ELMO1: variants seen among roughly 807,000 people sequenced by gnomAD.
The protein encoded by ELMO1 is engulfment and cell motility 1.
In ELMO1, 26 loss-of-function variants were observed where a neutral mutation model predicts 98.9. That is an observed-to-expected ratio of 0.26 (90% CI 0.19 to 0.36). ELMO1 has a LOEUF of 0.36. ELMO1 is among the 10% of genes least tolerant of loss of function. ELMO1 has a pLI of 1.00. For missense variants in ELMO1, 627 were observed against 935.2 expected (o/e 0.67, Z 4.30); for synonymous variants, 346 against 346.0 (o/e 1.00, Z 0.00).
At chr7:37,097,007 C>A (rs1200885722) in intron 14 of ELMO1, among the ~76,000 whole-genome samples, 1 of 152,164 alleles carries the variant, frequency 6.6e-6, no homozygotes, top group Admixed American at 6.5e-5. Flanking sequence ...TGGAATAGTA[C>A]AATAAAGACT....
intron 1 of ELMO1, among the ~76,000 whole-genome samples, chr7:37,394,122 G>C (rs182212059): frequency 0.012 from 1,767 of 152,136 alleles, 34 homozygotes; most frequent in African/African-American, 0.04. Context: ...TCCCTGTTAG[G>C]CCCAGGGACA....
intron 13 of ELMO1, among the ~76,000 whole-genome samples, chr7:37,160,163 A>T (rs1160423815): frequency 6.6e-6 from 1 of 152,246 alleles, no homozygotes; most frequent in East Asian, 1.9e-4. Flanking sequence ...CACAGTGATT[A>T]TGCTATCTTC....
chr7:37,202,804 C>A (rs1008252591), intron 13 of ELMO1, among the ~76,000 whole-genome samples: 3 of 152,094 alleles, frequency 2.0e-5, no homozygotes, highest in African/African-American at 7.2e-5. Context: ...AAAAATGAGC[C>A]ACCTCTTTTT....
At chr7:37,061,623 C>T (rs377481303) in intron 15 of ELMO1, among the ~76,000 whole-genome samples, 11 of 152,196 alleles carry the variant, frequency 7.2e-5, no homozygotes, top group African/African-American at 2.2e-4. Flanking sequence ...GGAGGGGACA[C>T]GTAAGCAGCC....
At chr7:37,007,819 T>C (rs1359798659) in intron 16 of ELMO1, among the ~76,000 whole-genome samples, 1 of 152,188 alleles carries the variant, frequency 6.6e-6, no homozygotes, top group Non-Finnish European at 1.5e-5. Context: ...TTTCTCAGGA[T>C]GTTTCCTTCT....
chr7:37,102,496 A>C (rs1291025403), intron 14 of ELMO1, among the ~76,000 whole-genome samples: 2 of 152,264 alleles, frequency 1.3e-5, no homozygotes, highest in Non-Finnish European at 2.9e-5. Context: ...CACCAGATCT[A>C]CCTAGAAAGG....
At chr7:37,193,615 G>A (rs562860198) in intron 13 of ELMO1, among the ~76,000 whole-genome samples, 7 of 152,246 alleles carry the variant, frequency 4.6e-5, no homozygotes, top group African/African-American at 1.7e-4. Context: ...CTCATACTCA[G>A]CACTAAAAAT....
intron 2 of ELMO1, among the ~76,000 whole-genome samples, chr7:37,323,720 G>C (rs1455335392): frequency 1.3e-5 from 2 of 152,068 alleles, no homozygotes; most frequent in African/African-American, 4.8e-5. Context: ...GTGAGTATTG[G>C]TCTTTTGCTT....
At chr7:37,163,784 G>A (rs1360759263) in intron 13 of ELMO1, among the ~76,000 whole-genome samples, 10 of 152,146 alleles carry the variant, frequency 6.6e-5, no homozygotes, top group Non-Finnish European at 1.5e-4. Flanking sequence ...TGTGAATAGT[G>A]CCGCAATAAA....
At chr7:37,214,270 G>A (rs764037853) in intron 11 of ELMO1, among the ~76,000 whole-genome samples, 4 of 152,164 alleles carry the variant, frequency 2.6e-5, no homozygotes, top group Non-Finnish European at 5.9e-5. Flanking sequence ...GATCAATGTG[G>A]TGGAACAACC....
At chr7:37,440,162 G>C (rs914153582) in intron 1 of ELMO1, among the ~76,000 whole-genome samples, 1 of 152,050 alleles carries the variant, frequency 6.6e-6, no homozygotes, top group Non-Finnish European at 1.5e-5. Context: ...AAAATCTAGG[G>C]GCCAGGCACA....
chr7:36,947,079 T>C (rs1439517147), intron 16 of ELMO1, among the ~76,000 whole-genome samples: 1 of 152,206 alleles, frequency 6.6e-6, no homozygotes. Context: ...ACCCAAATAG[T>C]GAGCACAGTA....
intron 16 of ELMO1, among the ~76,000 whole-genome samples, chr7:36,977,099 C>T (rs186467861): frequency 1.9e-3 from 291 of 152,274 alleles, no homozygotes; most frequent in African/African-American, 6.4e-3. Flanking sequence ...GCTTTTAGCA[C>T]GCTACTGAAA....
chr7:37,181,429 C>T (rs1790855214), intron 13 of ELMO1, among the ~76,000 whole-genome samples: 1 of 152,100 alleles, frequency 6.6e-6, no homozygotes. Context: ...CGGGCATTTC[C>T]TGAGGCAGCT....
intron 14 of ELMO1, among the ~76,000 whole-genome samples, chr7:37,121,179 A>G (rs1244101458): frequency 1.3e-5 from 2 of 152,194 alleles, no homozygotes; most frequent in African/African-American, 4.8e-5. Flanking sequence ...TGGGGAAAAA[A>G]CAGAGCAGAA....
intron 1 of ELMO1, among the ~76,000 whole-genome samples, chr7:37,438,482 C>T (rs1332557635): frequency 1.3e-5 from 2 of 151,310 alleles, no homozygotes; most frequent in East Asian, 1.9e-4. Context: ...AGCCTGTAGT[C>T]CCAGCTACTT....
Position 36,895,060 on chromosome 7 carries a change from T to C in ELMO1, c.1438-43A>G, listed in dbSNP as rs376740137. On this transcript the variant is annotated intron_variant, in intron 16 of 21. Coordinates refer to ENST00000310758, the MANE Select transcript of ELMO1 (RefSeq NM_014800.11). Reference sequence around the variant, plus strand: ...ACCATCATTTTCCTGGGGGCTGACCTTTCCCATTCAGAAAAGTCTTTCCGA... The same window carrying C: ...ACCATCATTTTCCTGGGGGCTGACCCTTCCCATTCAGAAAAGTCTTTCCGA... 2.2e-4 allele frequency: 359 copies of C among 1,602,968 alleles called. No individual in the cohort carries two copies. In the African/African-American group the frequency reaches 4.0e-3, roughly 18 times the overall value.
intron 1 of ELMO1, among the ~76,000 whole-genome samples, chr7:37,404,623 C>A (rs1420289799): frequency 6.6e-6 from 1 of 152,202 alleles, no homozygotes; most frequent in Non-Finnish European, 1.5e-5. Flanking sequence ...AAACACACCC[C>A]ATCTGCGAGG....
chr7:37,002,250 T>C (rs527431307), intron 16 of ELMO1: 2 of 152,384 alleles, frequency 1.3e-5, no homozygotes, highest in East Asian at 1.9e-4. Flanking sequence ...ACAGTCAAGC[T>C]TCTGCTCGTT....
Sources: gnomAD v4.1 joint callset for allele counts (sites outside exome capture counted in the v4.1 genomes callset) on GRCh38, gnomAD v4.1.1 for gene constraint, MANE v1.5 for transcripts, NCBI Gene and HGNC (gene_info 2026-07-23, HGNC 2026-07-21) for gene names.